JAG1: variants seen among roughly 807,000 people sequenced by gnomAD.
JAG1 encodes jagged canonical Notch ligand 1.
Under a neutral mutation model 148.7 loss-of-function variants are expected in JAG1, and 23 were observed. That is an observed-to-expected ratio of 0.15 (90% CI 0.11 to 0.22). The LOEUF (loss-of-function observed/expected upper bound fraction) is 0.22, where lower values mean the gene tolerates loss of function less well. JAG1 is among the 10% of genes least tolerant of loss of function. JAG1 has a pLI of 1.00. For missense variants in JAG1, 1,054 were observed against 1,611.2 expected (o/e 0.65, Z 5.92); for synonymous variants, 572 against 598.3 (o/e 0.96, Z 0.64).
At chr20:10,667,300 C>T (rs563487414) in intron 2 of JAG1, among the ~76,000 whole-genome samples, 3 of 152,322 alleles carry the variant, frequency 2.0e-5, no homozygotes, top group Non-Finnish European at 4.4e-5. Flanking sequence ...TCAGTCGGCT[C>T]CCAGGGTTCG....
chr20:10,667,295 C>A (rs147713631), intron 2 of JAG1, among the ~76,000 whole-genome samples: 1 of 152,346 alleles, frequency 6.6e-6, no homozygotes, highest in East Asian at 1.9e-4. Context: ...CACAGTCAGT[C>A]GGCTCCCAGG....
rs756967745 is a variant in JAG1, at chr20:10,649,051, AT to A, written c.1395+9del. ...TGTCAAAGTTTTGATTTAAGCAAAG[AT>A]TTACATACCCGACAGGAGGCGTCAT... is the stretch of plus-strand genomic sequence containing the variant. On this transcript the variant is annotated intron_variant, in intron 11 of 25. Coordinates refer to ENST00000254958, the MANE Select transcript of JAG1 (RefSeq NM_000214.3). The A allele has an allele frequency of 3.7e-6, 6 of 1,603,470 alleles. No individual in the cohort carries two copies. In the South Asian group the frequency reaches 6.6e-5, roughly 18 times the overall value.
chr20:10,644,274 T>TCACACACACACACACACA (rs1491263633), intron 19 of JAG1, 83 bp downstream of exon 19: 2 of 688,498 alleles, frequency 2.9e-6, no homozygotes, highest in African/African-American at 7.8e-5. Flanking sequence ...CCTGGGTGAT[T>TCACACACACACACACACA]CTCACACACA....
chr20:10,656,872 T>TAAAA (rs33952645), intron 4 of JAG1, among the ~76,000 whole-genome samples: 6 of 113,356 alleles, frequency 5.3e-5, no homozygotes, highest in African/African-American at 3.2e-5. Flanking sequence ...CCTCAGCCTT[T>TAAAA]AAAAAAAAAA....
rs1477148469 is a variant in JAG1 at position 10,649,642 on chromosome 20, G to C, written c.1235-7C>G. 6.5e-7 allele frequency: 1 copy of C among 1,538,258 alleles called. No individual in the cohort carries two copies. The highest frequency in any genetic ancestry group is 1.7e-5 in the Admixed American group (1 of 59,836). ...GCCTCACATTCATTTGCATCTGAAA[G>C]GAGATGGGGATGAGCATGAGAAATG... is the stretch of plus-strand genomic sequence containing the variant. On this transcript the variant is annotated splice_region_variant and splice_polypyrimidine_tract_variant and intron_variant, in intron 9 of 25. Coordinates refer to ENST00000254958, the MANE Select transcript of JAG1 (RefSeq NM_000214.3).
At chr20:10,662,757 C>A (rs984234516) in intron 3 of JAG1, among the ~76,000 whole-genome samples, 2 of 152,260 alleles carry the variant, frequency 1.3e-5, no homozygotes, top group Admixed American at 6.5e-5. Context: ...CACACCCCCC[C>A]ACGGCATTAC....
intron 8 of JAG1, 85 bp downstream of exon 8, chr20:10,651,496 C>A: frequency 1.1e-6 from 1 of 875,634 alleles, no homozygotes; most frequent in South Asian, 1.5e-5. Flanking sequence ...GACATTCACA[C>A]TGGACAAGCC....
chr20:10,647,131 C>T, intron 13 of JAG1, 28 bp from the exon 14 acceptor site: 2 of 1,613,918 alleles, frequency 1.2e-6, no homozygotes, highest in African/African-American at 1.3e-5. Context: ...GATCAGATCA[C>T]AGCCATGCAC....
At chr20:10,648,485 G>T in intron 12 of JAG1, 64 bp downstream of exon 12, 2 of 1,333,502 alleles carry the variant, frequency 1.5e-6, no homozygotes, top group African/African-American at 1.4e-5. Flanking sequence ...AAAGTAAAGG[G>T]AAGCGGAGGA....
rs1433644580 is a variant in JAG1, at chr20:10,644,298, A to T, written c.2372+59T>A. 11 of 1,301,166 alleles carry T rather than the reference A, an allele frequency of 8.5e-6. No homozygotes were observed. The East Asian group carries it at 1.8e-4, about 22-fold the overall frequency. 80.6% of individuals were successfully genotyped at this position (1,301,166 alleles called of 1,614,324 possible). ...TTCTCACACACACACACACACACAC[A>T]CACACACACACACACACGATAGTGG... On this transcript the variant is annotated intron_variant, in intron 19 of 25. Transcript: ENST00000254958.
chr20:10,639,479 C>CG lies in JAG1; in HGVS notation c.*18dup, dbSNP rs778183555. Reference sequence around the variant, plus strand: ...CAAGCCCTCAGACTCTACCTAGCGGCGGCAGTGCCCGCGGTCTGCTATACG... The same window carrying CG: ...CAAGCCCTCAGACTCTACCTAGCGGCGGGCAGTGCCCGCGGTCTGCTATACG... On this transcript the variant is annotated 3_prime_UTR_variant, in exon 26 of 26. Coordinates refer to ENST00000254958, the MANE Select transcript of JAG1 (RefSeq NM_000214.3). The CG allele has an allele frequency of 2.0e-5, 32 of 1,604,202 alleles. No individual in the cohort carries two copies. The Admixed American group carries it at 5.3e-4, about 27-fold the overall frequency.
chr20:10,660,710 A>C (rs2122627318), intron 3 of JAG1, among the ~76,000 whole-genome samples: 1 of 152,304 alleles, frequency 6.6e-6, no homozygotes, highest in South Asian at 2.1e-4. Context: ...GAGGGGGTCG[A>C]GCATGTCTGG....
chr20:10,641,008 CTG>C (rs1340462133), intron 24 of JAG1, 75 bp from the exon 25 acceptor site: 5 of 1,610,766 alleles, frequency 3.1e-6, no homozygotes, highest in Non-Finnish European at 4.2e-6. Flanking sequence ...ACTCGACAAT[CTG>C]TGTCTGCAAA....
chr20:10,654,676 G>A (rs2067367221), intron 5 of JAG1, among the ~76,000 whole-genome samples: 1 of 152,220 alleles, frequency 6.6e-6, no homozygotes, highest in African/African-American at 2.4e-5. Context: ...AAGGTAGGGA[G>A]GGAAAACTGG....
chr20:10,658,018 TGGG>T (rs1038806300), intron 4 of JAG1, among the ~76,000 whole-genome samples: 4 of 152,066 alleles, frequency 2.6e-5, no homozygotes, highest in African/African-American at 9.7e-5. Flanking sequence ...GGGAAGCAGA[TGGG>T]GTAGGGGAAA....
chr20:10,640,407 G>GGGGCCATC (rs1490277763), intron 25 of JAG1, among the ~76,000 whole-genome samples: 3 of 152,214 alleles, frequency 2.0e-5, no homozygotes, highest in African/African-American at 7.2e-5. Context: ...ACACCCCTGC[G>GGGGCCATC]GGGCCATCGA....
At chr20:10,641,424 C>T in intron 23 of JAG1, 36 bp downstream of exon 23, 1 of 1,552,958 alleles carries the variant, frequency 6.4e-7, no homozygotes, top group South Asian at 1.1e-5. Flanking sequence ...AAGCAGACAT[C>T]CACCATTCAA....
intron 12 of JAG1, 146 bp from the exon 13 acceptor site, chr20:10,648,256 T>C: frequency 1.0e-6 from 1 of 983,878 alleles, no homozygotes; most frequent in Non-Finnish European, 1.6e-6. Context: ...ATCTCTATGC[T>C]GTAGGGACTG....
intron 4 of JAG1, among the ~76,000 whole-genome samples, chr20:10,656,874 A>T (rs901127804): frequency 5.2e-5 from 2 of 38,280 alleles, no homozygotes; most frequent in Admixed American, 2.7e-4. Flanking sequence ...TCAGCCTTTA[A>T]AAAAAAAAAA....
Sources: allele counts gnomAD v4.1 joint callset (sites outside exome capture counted in the v4.1 genomes callset), GRCh38; gene constraint gnomAD v4.1.1; transcripts MANE v1.5; gene names NCBI Gene and HGNC (gene_info 2026-07-23, HGNC 2026-07-21).